Variants in WDR44 observed in about 807,000 individuals in gnomAD.
WDR44 encodes WD repeat domain 44.
Under a neutral mutation model 65.7 loss-of-function variants are expected in WDR44, and 9 were observed. The ratio of observed to expected loss-of-function variants is 0.14; its 90% CI spans 0.08 to 0.24. The LOEUF is 0.24. WDR44 is among the 10% of genes least tolerant of loss of function. The pLI, the probability that WDR44 is intolerant of heterozygous loss-of-function variation, is 1.00. For missense variants in WDR44, 425 were observed against 670.9 expected (o/e 0.63, Z 4.05); for synonymous variants, 220 against 235.2 (o/e 0.94, Z 0.59).
intron 8 of WDR44, among the ~76,000 whole-genome samples, chrX:118,400,431 G>A (rs1344746257): frequency 9.0e-6 from 1 of 111,722 alleles, no homozygotes; most frequent in Non-Finnish European, 1.9e-5. Flanking sequence ...CATAAAAGTA[G>A]ATACTTTAGA....
intron 12 of WDR44, among the ~76,000 whole-genome samples, chrX:118,418,249 G>T (rs1011308356): frequency 6.3e-5 from 7 of 111,344 alleles, no homozygotes; most frequent in Admixed American, 1.9e-4. Context: ...TTTTTCGGGG[G>T]TTGTTAAAGA....
At chrX:118,371,344 C>T (rs976161421) in intron 1 of WDR44, among the ~76,000 whole-genome samples, 14 of 110,816 alleles carry the variant, frequency 1.3e-4, no homozygotes, top group Non-Finnish European at 2.5e-4. Flanking sequence ...TCAGAGGGTA[C>T]AAAGTTTTAG....
intron 1 of WDR44, among the ~76,000 whole-genome samples, chrX:118,358,972 A>G (rs1373055318): frequency 6.5e-5 from 7 of 107,806 alleles, no homozygotes; most frequent in Non-Finnish European, 1.2e-4. Flanking sequence ...TACTCGGTAG[A>G]CTGATGCAGG....
At chrX:118,394,688 T>G (rs1366012124) in intron 5 of WDR44, among the ~76,000 whole-genome samples, 1 of 111,207 alleles carries the variant, frequency 9.0e-6, no homozygotes, top group East Asian at 2.8e-4. Flanking sequence ...TCAGAGCTAC[T>G]TACATGGTAG....
chrX:118,413,947 C>T (rs1184154963), intron 12 of WDR44, among the ~76,000 whole-genome samples: 1 of 111,261 alleles, frequency 9.0e-6, no homozygotes, highest in African/African-American at 3.3e-5. Context: ...TGTCCTTTCC[C>T]CACTTTTTAT....
At chrX:118,400,979 T>G (rs1490859777) in intron 8 of WDR44, among the ~76,000 whole-genome samples, 1 of 85,711 alleles carries the variant, frequency 1.2e-5, no homozygotes, top group Non-Finnish European at 2.2e-5. Context: ...TTCATCCATG[T>G]CCCTACAAAG....
intron 12 of WDR44, among the ~76,000 whole-genome samples, chrX:118,432,008 G>T (rs1365857858): frequency 9.0e-6 from 1 of 111,709 alleles, no homozygotes; most frequent in African/African-American, 3.3e-5. Flanking sequence ...AAAGCACGTT[G>T]TAACTAGATG....
chrX:118,397,581 T>C (rs1314395246), intron 7 of WDR44, among the ~76,000 whole-genome samples: 1 of 111,991 alleles, frequency 8.9e-6, no homozygotes, highest in African/African-American at 3.2e-5. Context: ...GAAACCTTGC[T>C]TTAAGGATCA....
intron 1 of WDR44, among the ~76,000 whole-genome samples, chrX:118,376,638 A>T (rs932646210): frequency 4.5e-5 from 5 of 111,692 alleles, no homozygotes; most frequent in Non-Finnish European, 9.4e-5. Context: ...TTTGAAGCAG[A>T]TATCAGACTG....
intron 1 of WDR44, among the ~76,000 whole-genome samples, chrX:118,348,887 G>A (rs185123126): frequency 8.9e-6 from 1 of 112,395 alleles, no homozygotes; most frequent in Non-Finnish European, 1.9e-5. Flanking sequence ...GTTCCTTGCT[G>A]TTGTGTGTTT....
chrX:118,390,586 C>T (rs2147700486), intron 3 of WDR44, among the ~76,000 whole-genome samples: 1 of 110,859 alleles, frequency 9.0e-6, no homozygotes, highest in South Asian at 3.8e-4. Flanking sequence ...TCATTTTGAC[C>T]CCTCTTGTGG....
chrX:118,364,506 T>G (rs1360990640), intron 1 of WDR44, among the ~76,000 whole-genome samples: 1 of 112,361 alleles, frequency 8.9e-6, no homozygotes, highest in East Asian at 2.8e-4. Flanking sequence ...TTTCCTCAGC[T>G]TATCAGATTG....
intron 12 of WDR44, among the ~76,000 whole-genome samples, chrX:118,424,349 G>A (rs6646199): frequency 0.013 from 715 of 55,973 alleles, 5 homozygotes; most frequent in East Asian, 0.081. Context: ...ATATATATAT[G>A]TATATATATA....
At chrX:118,417,168 C>T (rs1373860353) in intron 12 of WDR44, among the ~76,000 whole-genome samples, 1 of 111,983 alleles carries the variant, frequency 8.9e-6, no homozygotes, top group East Asian at 2.8e-4. Flanking sequence ...AGGCCACTTA[C>T]ATTCAATGTT....
intron 9 of WDR44, among the ~76,000 whole-genome samples, chrX:118,406,116 A>T (rs769063587): frequency 8.9e-6 from 1 of 112,207 alleles, no homozygotes; most frequent in Non-Finnish European, 1.9e-5. Context: ...CTCCAACCTG[A>T]GACCCTGTCT....
chrX:118,369,167 T>C (rs935935437), intron 1 of WDR44, among the ~76,000 whole-genome samples: 12 of 111,972 alleles, frequency 1.1e-4, no homozygotes, highest in Non-Finnish European at 1.5e-4. Context: ...AATAACTTTC[T>C]TTTTTATTTT....
chrX:118,445,224 G>T (rs1569388603), intron 19 of WDR44: 1 of 209,099 alleles, frequency 4.8e-6, no homozygotes, highest in Non-Finnish European at 8.8e-6. Context: ...GAGCCCGGGA[G>T]GCAGAGCTTG....
intron 12 of WDR44, among the ~76,000 whole-genome samples, chrX:118,424,877 G>C (rs1158330674): frequency 9.0e-6 from 1 of 111,622 alleles, no homozygotes; most frequent in Non-Finnish European, 1.9e-5. Flanking sequence ...GTTTATTTTT[G>C]TATATGATGT....
chrX:118,353,235 G>A (rs897329396), intron 1 of WDR44, among the ~76,000 whole-genome samples: 3 of 111,601 alleles, frequency 2.7e-5, no homozygotes, highest in African/African-American at 9.8e-5. Flanking sequence ...ACTCAGCAGT[G>A]TTTGTGTTAG....
Sources: gnomAD v4.1 joint callset for allele counts (sites outside exome capture counted in the v4.1 genomes callset) on GRCh38, gnomAD v4.1.1 for gene constraint, MANE v1.5 for transcripts, NCBI Gene and HGNC (gene_info 2026-07-23, HGNC 2026-07-21) for gene names.